The following PCDHGB4 variants were observed in gnomAD, a reference collection of about 807,000 sequenced individuals.
PCDHGB4 encodes the protein protocadherin gamma-B4.
Under a neutral mutation model 60.5 loss-of-function variants are expected in PCDHGB4, and 38 were observed. The observed-to-expected ratio is 0.63, with a 90% confidence interval of 0.48 to 0.82. The LOEUF (loss-of-function observed/expected upper bound fraction) is 0.82. PCDHGB4 is among the 40% of genes least tolerant of loss of function. The pLI, the probability that PCDHGB4 is intolerant of heterozygous loss-of-function variation, is 0.00. For synonymous variants in PCDHGB4, 456 were observed against 509.7 expected, an observed-to-expected ratio of 0.89 and a Z score of 1.42; for missense variants, 1,109 against 1,209.6, an observed-to-expected ratio of 0.92 and a Z score of 1.23.
rs1360124362 is a variant in PCDHGB4 at position 141,489,688 on chromosome 5, G to A, written c.2398-5119G>A. On this transcript the variant is annotated intron_variant, in intron 1 of 3. Coordinates refer to ENST00000519479, the MANE Select transcript of PCDHGB4 (RefSeq NM_003736.4). This position sits in a 1 kb window ranked among gnomAD's most constrained non-coding sequence, Gnocchi z 4.5. The stretch of plus-strand genomic sequence containing the variant: ...CATCTCAGAATCAGCAGCATCTGGG[G>A]CACGATTCCCACTGGACAGTGCCCA... 6.2e-7 allele frequency: 1 copy of A among 1,614,150 alleles called. No homozygotes were observed. Among genetic ancestry groups the A allele is most frequent in the Non-Finnish European group, 8.5e-7 (1 of 1,180,012 alleles).
chr5:141,459,827 A>T (rs779024675), intron 1 of PCDHGB4, among the ~76,000 whole-genome samples: 1 of 152,126 alleles, frequency 6.6e-6, no homozygotes, highest in Non-Finnish European at 1.5e-5. Context: ...GCAACTTTTC[A>T]TGTGTTGTCT....
At chr5:141,466,180 A>AT (rs922532578) in intron 1 of PCDHGB4, among the ~76,000 whole-genome samples, 11 of 151,256 alleles carry the variant, frequency 7.3e-5, no homozygotes, top group South Asian at 2.1e-4. Context: ...TTTTATTTTT[A>AT]TTTTTTTTCA....
At chr5:141,499,007 AG>A (rs2099788320) in intron 2 of PCDHGB4, among the ~76,000 whole-genome samples, 1 of 151,128 alleles carries the variant, frequency 6.6e-6, no homozygotes, top group Non-Finnish European at 1.5e-5. Flanking sequence ...GAAGGAAGGA[AG>A]GAAGGAAGGA....
chr5:141,427,381 T>G (rs1315804574), intron 1 of PCDHGB4: 1 of 458,822 alleles, frequency 2.2e-6, no homozygotes, highest in Middle Eastern at 3.2e-4. Context: ...GTGATCACTC[T>G]GTTCAAAACA....
rs759437302 is a variant in PCDHGB4, at chr5:141,476,861, T to C, written c.2398-17946T>C. On this transcript the variant is annotated intron_variant, in intron 1 of 3. Transcript: ENST00000519479. The surrounding 1 kb of genome is among the most constrained non-coding windows in gnomAD (Gnocchi z 7.6). Reference sequence around the variant, plus strand: ...TGCGCCTGTCTTCAACCAGTCCTTGTACCGGGCGCGCGTCCTGGAGGATGC... The same window carrying C: ...TGCGCCTGTCTTCAACCAGTCCTTGCACCGGGCGCGCGTCCTGGAGGATGC... 6.2e-7 allele frequency: 1 copy of C among 1,613,864 alleles called. No individual in the cohort carries two copies. The highest frequency in any genetic ancestry group is 1.7e-5 in the Admixed American group (1 of 60,034).
In PCDHGB4 at chr5:141,417,986, A is replaced by G. The variant is rs777967345; in HGVS notation, c.2397+27705A>G. On this transcript the variant is annotated intron_variant, in intron 1 of 3. Coordinates refer to ENST00000519479, the MANE Select transcript of PCDHGB4 (RefSeq NM_003736.4). ...CTACTCGATTCCGGAGGAGCTGGCC[A>G]AGGGCTCGGTGGTGGGGAACCTCGC... The G allele has an allele frequency of 9.9e-6, 16 of 1,613,490 alleles. No individual in the cohort carries two copies. Among genetic ancestry groups the G allele is most frequent in the Non-Finnish European group, 1.4e-5 (16 of 1,179,718 alleles).
rs1384790784 is a variant in PCDHGB4, at chr5:141,431,800, G to T, written c.2397+41519G>T. 1 of 1,614,206 alleles carries T rather than the reference G, an allele frequency of 6.2e-7. No individual in the cohort carries two copies. Among genetic ancestry groups the T allele is most frequent in the African/African-American group, 1.3e-5 (1 of 75,054 alleles). ...ACGTGAACGACAATGCCCCAGAAGT[G>T]GTCCTCACCTCTCTCGCCAGCTCGG... On this transcript the variant is annotated intron_variant, in intron 1 of 3. Transcript: ENST00000519479. This position sits in a 1 kb window ranked among gnomAD's most constrained non-coding sequence, Gnocchi z 4.8.
chr5:141,389,704 TG>T lies in PCDHGB4; in HGVS notation c.1821del (p.Gln608ArgfsTer23), dbSNP rs1341184136. 3.1e-6 allele frequency: 5 copies of T among 1,612,632 alleles called. No homozygotes were observed. The highest frequency in any genetic ancestry group is 3.3e-5 in the Admixed American group (2 of 60,030). ...AACGCCTGGCTGTCCTACCACGTGC[TG>T]CAGGCTAGCGAGCCCGGGCTCTTCA... ...GHNAWLSYHV[L>X]QASEPGLFSL... is the part of the protein sequence containing the mutation. On this transcript the variant is annotated frameshift_variant, in exon 1 of 4. Transcript: ENST00000519479. LOFTEE classifies it high-confidence loss of function.
At chr5:141,420,245 G>T (rs72790042) in intron 1 of PCDHGB4, 1 of 1,584,230 alleles carries the variant, frequency 6.3e-7, no homozygotes, top group East Asian at 2.2e-5. Flanking sequence ...AACTCCCAGC[G>T]TTGAAGCAGA....
intron 1 of PCDHGB4, among the ~76,000 whole-genome samples, chr5:141,438,458 G>A (rs1462204360): frequency 6.6e-6 from 1 of 151,538 alleles, no homozygotes. Context: ...CAATGCTTGA[G>A]TTCAATTATT....
rs770010951 is a variant in PCDHGB4 at position 141,408,783 on chromosome 5, T to A, written c.2397+18502T>A. On this transcript the variant is annotated intron_variant, in intron 1 of 3. Transcript: ENST00000519479. ...TCCGATGGTGGCAAATACCCAGAGT[T>A]ATCTCTGGAGAAACTCCTAGACCGG... 26 of 1,612,386 alleles carry A rather than the reference T, an allele frequency of 1.6e-5. No homozygotes were observed. The East Asian group carries it at 5.8e-4, about 36-fold the overall frequency.
rs141095222 is a variant in PCDHGB4, at chr5:141,496,668, C to T, written c.2456+1803C>T. Reference sequence around the variant, plus strand: ...CCCTTCCTTTGACCCCAGCTGTTGTCCTTCTCCCTGCTGGCCTTGCCAACC... The same window carrying T: ...CCCTTCCTTTGACCCCAGCTGTTGTTCTTCTCCCTGCTGGCCTTGCCAACC... On this transcript the variant is annotated intron_variant, in intron 2 of 3. Coordinates refer to ENST00000519479, the MANE Select transcript of PCDHGB4 (RefSeq NM_003736.4). Among the ~76,000 whole-genome samples the T allele has an allele frequency of 1.3e-3, 204 of 152,328 alleles. 1 individual carries two copies. The highest frequency in any genetic ancestry group is 5.6e-3 in the Admixed American group (85 of 15,298).
At position 141,477,758 on chromosome 5, in the gene PCDHGB4, G is replaced by A; in HGVS notation, c.2398-17049G>A. 2 of 1,613,924 alleles carry A rather than the reference G, an allele frequency of 1.2e-6. No homozygotes were observed. The highest frequency in any genetic ancestry group is 1.7e-5 in the Admixed American group (1 of 60,022). On this transcript the variant is annotated intron_variant, in intron 1 of 3. Transcript: ENST00000519479. The surrounding 1 kb of genome is among the most constrained non-coding windows in gnomAD (Gnocchi z 4.9). ...CAGCGATGGGGGCACCCCGGTCCTA[G>A]CCACCAACATCAGCGTGAACATATT...
At chr5:141,403,099 C>G in intron 1 of PCDHGB4, 5 of 1,614,056 alleles carry the variant, frequency 3.1e-6, no homozygotes, top group Non-Finnish European at 4.2e-6. Context: ...GCAACATCTC[C>G]AAGGACCTGG....
In PCDHGB4 at chr5:141,477,005, T is replaced by C; in HGVS notation, c.2398-17802T>C. The C allele has an allele frequency of 1.2e-6, 2 of 1,614,240 alleles. No individual in the cohort carries two copies. Among genetic ancestry groups the C allele is most frequent in the Non-Finnish European group, 1.7e-6 (2 of 1,180,040 alleles). Reference sequence around the variant, plus strand: ...CGCCGGCGTGCGGCAACTATTCGCCTTAGACCTTGTAACCGGGATGCTGAC... The same window carrying C: ...CGCCGGCGTGCGGCAACTATTCGCCCTAGACCTTGTAACCGGGATGCTGAC... On this transcript the variant is annotated intron_variant, in intron 1 of 3. Transcript: ENST00000519479. The surrounding 1 kb of genome is among the most constrained non-coding windows in gnomAD (Gnocchi z 4.9).
In PCDHGB4 at chr5:141,420,182, C is replaced by G. The variant is rs375716662; in HGVS notation, c.2397+29901C>G. The G allele has an allele frequency of 3.7e-6, 6 of 1,613,694 alleles. No individual in the cohort carries two copies. In the African/African-American group the frequency reaches 8.0e-5, roughly 22 times the overall value. Reference sequence around the variant, plus strand: ...TTTTTTCACATCTGTTGATCATTGTCCAGCCACACAAGATAACCTCAACAA... The same window carrying G: ...TTTTTTCACATCTGTTGATCATTGTGCAGCCACACAAGATAACCTCAACAA... On this transcript the variant is annotated intron_variant, in intron 1 of 3. Transcript: ENST00000519479.
intron 1 of PCDHGB4, chr5:141,399,856 G>T: frequency 6.2e-7 from 1 of 1,612,894 alleles, no homozygotes; most frequent in South Asian, 1.1e-5. Context: ...GGTGCCGCGC[G>T]CTGCAGAGCC....
intron 1 of PCDHGB4, among the ~76,000 whole-genome samples, chr5:141,469,375 G>C (rs942714664): frequency 2.0e-5 from 3 of 152,076 alleles, no homozygotes; most frequent in African/African-American, 7.2e-5. Flanking sequence ...AAGAGATCGA[G>C]ACCATCCTGG....
chr5:141,404,501 C>T, intron 1 of PCDHGB4: 2 of 1,613,792 alleles, frequency 1.2e-6, no homozygotes, highest in Non-Finnish European at 1.7e-6. Context: ...GCTGTATGCT[C>T]TGTGCTCCTT....
Sources: allele counts gnomAD v4.1 joint callset (sites outside exome capture counted in the v4.1 genomes callset), GRCh38; gene constraint gnomAD v4.1.1; non-coding constraint Gnocchi (gnomAD v3.1); transcripts MANE v1.5; gene names NCBI Gene and HGNC (gene_info 2026-07-23, HGNC 2026-07-21).